Variants in STXBP5L observed in about 807,000 individuals in gnomAD.
The protein encoded by STXBP5L is syntaxin binding protein 5L.
STXBP5L carries 65 observed loss-of-function variants against 144.5 expected under a neutral mutation model. The ratio of observed to expected loss-of-function variants is 0.45; its 90% CI spans 0.37 to 0.55. STXBP5L has a LOEUF of 0.55. STXBP5L is among the 20% of genes least tolerant of loss of function. The pLI is 0.00. For synonymous variants in STXBP5L, 505 were observed against 469.6 expected, an observed-to-expected ratio of 1.08 and a Z score of -0.97; for missense variants, 1,298 against 1,405.5, an observed-to-expected ratio of 0.92 and a Z score of 1.22.
At chr3:121,122,306 A>T (rs1329547993) in intron 7 of STXBP5L, among the ~76,000 whole-genome samples, 1 of 151,048 alleles carries the variant, frequency 6.6e-6, no homozygotes, top group Non-Finnish European at 1.5e-5. Context: ...AGCCTATCAA[A>T]AATCAAACCT....
At chr3:121,025,167 A>G (rs1225497079) in intron 3 of STXBP5L, among the ~76,000 whole-genome samples, 1 of 152,090 alleles carries the variant, frequency 6.6e-6, no homozygotes, top group Admixed American at 6.6e-5. Flanking sequence ...AGAGATTATA[A>G]ATATTTCTTT....
chr3:121,127,424 G>A (rs1326834162), intron 7 of STXBP5L, among the ~76,000 whole-genome samples: 5 of 152,010 alleles, frequency 3.3e-5, no homozygotes, highest in African/African-American at 2.4e-5. Context: ...TCCCTCTGAA[G>A]ACTCTAGGGG....
chr3:121,419,428 G>T lies in STXBP5L; in HGVS notation c.*331G>T, dbSNP rs1332335019. 1.0e-5 allele frequency: 2 copies of T among 196,348 alleles called. No individual in the cohort carries two copies. The highest frequency in any genetic ancestry group is 4.6e-5 in the African/African-American group (2 of 43,286). 12.2% of individuals were successfully genotyped at this position (196,348 alleles called of 1,614,324 possible). A position where few individuals can be genotyped will look rare whatever the true frequency, so the allele number is the denominator to read the frequency against. On this transcript the variant is annotated 3_prime_UTR_variant, in exon 27 of 27. Transcript: ENST00000471454. Reference sequence around the variant, plus strand: ...TTCCTGTACAAACAAAAGCATTAATGCACTTAATGAAAAAAAATCTTTGCA... The same window carrying T: ...TTCCTGTACAAACAAAAGCATTAATTCACTTAATGAAAAAAAATCTTTGCA...
At chr3:121,209,950 A>G (rs1347692928) in intron 10 of STXBP5L, among the ~76,000 whole-genome samples, 34 of 152,086 alleles carry the variant, frequency 2.2e-4, no homozygotes, top group African/African-American at 7.7e-4. Context: ...TATATACCCA[A>G]TAATGGGATG....
intron 20 of STXBP5L, among the ~76,000 whole-genome samples, chr3:121,376,532 C>G (rs140371128): frequency 0.036 from 5,415 of 152,232 alleles, 144 homozygotes; most frequent in Middle Eastern, 0.078. Flanking sequence ...TGTCAAAGAT[C>G]AGATGGTTGT....
chr3:121,112,461 T>C (rs994317974), intron 5 of STXBP5L, among the ~76,000 whole-genome samples: 1 of 152,080 alleles, frequency 6.6e-6, no homozygotes, highest in Non-Finnish European at 1.5e-5. Flanking sequence ...TCTCTGTGGG[T>C]TGTGCCAACT....
At chr3:121,052,326 C>T (rs554022382) in intron 5 of STXBP5L, among the ~76,000 whole-genome samples, 4 of 152,118 alleles carry the variant, frequency 2.6e-5, no homozygotes, top group African/African-American at 9.7e-5. Flanking sequence ...CCCTGATGAA[C>T]ATCGATGCAA....
intron 20 of STXBP5L, among the ~76,000 whole-genome samples, chr3:121,362,417 C>G (rs763606624): frequency 6.6e-6 from 1 of 152,178 alleles, no homozygotes; most frequent in Non-Finnish European, 1.5e-5. Context: ...GAAGTGCTGT[C>G]TGGGAGCCAG....
At chr3:120,909,544 CT>C (rs773458858) in intron 1 of STXBP5L, 26 bp from the exon 2 acceptor site, 37 of 1,597,658 alleles carry the variant, frequency 2.3e-5, no homozygotes, top group African/African-American at 1.9e-4. Flanking sequence ...ACCTCTTTCC[CT>C]TTTTTTCCTT....
chr3:121,036,316 C>T (rs1272022037), intron 3 of STXBP5L, among the ~76,000 whole-genome samples: 4 of 151,994 alleles, frequency 2.6e-5, no homozygotes, highest in East Asian at 1.9e-4. Flanking sequence ...CTGGGCAACA[C>T]GAGTGAGACT....
chr3:121,027,183 G>A (rs1040421621), intron 3 of STXBP5L, among the ~76,000 whole-genome samples: 3 of 148,890 alleles, frequency 2.0e-5, no homozygotes, highest in African/African-American at 7.5e-5. Context: ...ATAAGCACAT[G>A]ATCAAAATAT....
At chr3:120,999,997 T>C (rs1160610542) in intron 3 of STXBP5L, among the ~76,000 whole-genome samples, 2 of 152,174 alleles carry the variant, frequency 1.3e-5, no homozygotes, top group Admixed American at 6.5e-5. Context: ...CTGATGGGGC[T>C]CCCTTTTTAG....
intron 6 of STXBP5L, among the ~76,000 whole-genome samples, chr3:121,118,672 GAGAA>G (rs1470299979): frequency 6.6e-6 from 1 of 151,606 alleles, no homozygotes; most frequent in Non-Finnish European, 1.5e-5. Context: ...AATAATTGGA[GAGAA>G]AGAAAGACTG....
chr3:121,105,301 C>T (rs1434845287), intron 5 of STXBP5L, among the ~76,000 whole-genome samples: 3 of 151,932 alleles, frequency 2.0e-5, no homozygotes, highest in African/African-American at 7.3e-5. Context: ...GAGGCTGAGG[C>T]AGGAGAATCG....
chr3:121,197,154 G>A (rs113661388), intron 9 of STXBP5L, among the ~76,000 whole-genome samples: 2,939 of 152,224 alleles, frequency 0.019, 89 homozygotes, highest in African/African-American at 0.066. Flanking sequence ...TCAGTCAGAT[G>A]TTAGTATAGC....
intron 9 of STXBP5L, among the ~76,000 whole-genome samples, chr3:121,199,031 G>A (rs749592372): frequency 6.6e-6 from 1 of 152,134 alleles, no homozygotes; most frequent in Non-Finnish European, 1.5e-5. Context: ...GAAAGTCAAA[G>A]GTAGCTTGTT....
intron 5 of STXBP5L, among the ~76,000 whole-genome samples, chr3:121,055,662 A>T (rs989595987): frequency 1.3e-5 from 2 of 148,428 alleles, no homozygotes; most frequent in Non-Finnish European, 3.0e-5. Flanking sequence ...GGCATGTGCT[A>T]CCATACCCAG....
chr3:121,122,761 A>G (rs535865885), intron 7 of STXBP5L, among the ~76,000 whole-genome samples: 18 of 151,638 alleles, frequency 1.2e-4, no homozygotes, highest in Admixed American at 2.6e-4. Context: ...AGATGCTTGT[A>G]GGATAGGGTT....
At chr3:121,390,732 A>G (rs932788859) in intron 22 of STXBP5L, among the ~76,000 whole-genome samples, 31 of 152,282 alleles carry the variant, frequency 2.0e-4, no homozygotes, top group African/African-American at 7.5e-4. Flanking sequence ...TCTGGCTTGT[A>G]GAGTTTCTGC....
Sources: gnomAD v4.1 joint callset for allele counts (sites outside exome capture counted in the v4.1 genomes callset) on GRCh38, gnomAD v4.1.1 for gene constraint, MANE v1.5 for transcripts, NCBI Gene and HGNC (gene_info 2026-07-23, HGNC 2026-07-21) for gene names.